The following RPH3A variants were observed in gnomAD, a reference collection of about 807,000 sequenced individuals.
RPH3A encodes the protein rabphilin 3A.
A neutral mutation model predicts 102.2 loss-of-function variants in RPH3A; 48 were observed. The ratio of observed to expected loss-of-function variants is 0.47; its 90% CI spans 0.37 to 0.60. The LOEUF (loss-of-function observed/expected upper bound fraction) is 0.60, where lower values mean the gene tolerates loss of function less well. Ranked by LOEUF, RPH3A falls within the 20% of genes least tolerant of loss-of-function variation. The pLI is 0.00. For synonymous variants in RPH3A, 310 were observed against 324.3 expected (o/e 0.96, Z 0.47); for missense variants, 781 against 910.1 (o/e 0.86, Z 1.83).
In RPH3A at chr12:112,622,155, C is replaced by T. The variant is rs1319537312; in HGVS notation, c.-140+46836C>T. On this transcript the variant is annotated intron_variant, in intron 1 of 21. Transcript: ENST00000543106. The stretch of plus-strand genomic sequence containing the variant: ...AAACTCTAAAACGCAGAGCGCCTCT[C>T]CTCCTCCAAAGGAACGCAGTTCCTC... Among the ~76,000 whole-genome samples, 364 of 126,944 alleles carry T rather than the reference C, an allele frequency of 2.9e-3. 5 individuals carry two copies. The highest frequency in any genetic ancestry group is 0.011 in the African/African-American group (325 of 28,648). The allele number at this position is 126,944 out of a possible 152,430, so 83.3% of individuals were successfully genotyped here.
chr12:112,625,522 G>C (rs1247116330), intron 1 of RPH3A, among the ~76,000 whole-genome samples: 1 of 105,678 alleles, frequency 9.5e-6, no homozygotes, highest in African/African-American at 3.9e-5. Context: ...ACCTCTTCAA[G>C]GAGAACTACA....
chr12:112,772,309 A>T (rs1054949686), intron 1 of RPH3A, among the ~76,000 whole-genome samples: 1 of 152,210 alleles, frequency 6.6e-6, no homozygotes, highest in South Asian at 2.1e-4. Context: ...CAAAGGGGGC[A>T]CTATTTACAT....
intron 4 of RPH3A, among the ~76,000 whole-genome samples, chr12:112,847,358 T>A (rs1003451147): frequency 1.3e-5 from 2 of 152,216 alleles, no homozygotes; most frequent in African/African-American, 4.8e-5. Flanking sequence ...GTGGTCAACC[T>A]GGGACCCAGG....
intron 1 of RPH3A, among the ~76,000 whole-genome samples, chr12:112,745,944 T>G (rs912976105): frequency 1.3e-5 from 2 of 152,136 alleles, no homozygotes; most frequent in African/African-American, 4.8e-5. Context: ...GATGCCTCTT[T>G]AAGAGGCAGG....
chr12:112,721,529 A>G lies in RPH3A; in HGVS notation c.-139-70614A>G, dbSNP rs116406241. 1.9e-3 allele frequency among the ~76,000 whole-genome samples: 289 copies of G among 152,364 alleles called. 1 individual carries two copies. Among genetic ancestry groups the G allele is most frequent in the African/African-American group, 6.2e-3 (256 of 41,598 alleles). Reference sequence around the variant, plus strand: ...TAGAAAACATTAATGTACTTGTTATAGTTAAATATTTTAAATTTGTTGGGC... The same window carrying G: ...TAGAAAACATTAATGTACTTGTTATGGTTAAATATTTTAAATTTGTTGGGC... On this transcript the variant is annotated intron_variant, in intron 1 of 21. Coordinates refer to the RPH3A transcript ENST00000543106.
chr12:112,706,049 T>C (rs909469539), intron 1 of RPH3A, among the ~76,000 whole-genome samples: 2 of 152,208 alleles, frequency 1.3e-5, no homozygotes, highest in Non-Finnish European at 2.9e-5. Context: ...TCCTGACAGT[T>C]GCATAGTGCT....
intron 1 of RPH3A, among the ~76,000 whole-genome samples, chr12:112,600,017 T>C (rs1006981693): frequency 4.6e-5 from 7 of 152,152 alleles, no homozygotes; most frequent in Non-Finnish European, 1.0e-4. Flanking sequence ...TAACTATGCA[T>C]AGAGAATTCA....
At chr12:112,605,841 T>C (rs1397053658) in intron 1 of RPH3A, among the ~76,000 whole-genome samples, 1 of 152,248 alleles carries the variant, frequency 6.6e-6, no homozygotes. Context: ...GTTCCCCCTT[T>C]AGCCAGTGGG....
chr12:112,656,982 G>A (rs1025611591), intron 1 of RPH3A, among the ~76,000 whole-genome samples: 3 of 151,882 alleles, frequency 2.0e-5, no homozygotes, highest in African/African-American at 7.3e-5. Flanking sequence ...GGAATTTCTG[G>A]GTTGAATGGG....
At chr12:112,768,071 C>G (rs943467737) in intron 1 of RPH3A, among the ~76,000 whole-genome samples, 1 of 152,082 alleles carries the variant, frequency 6.6e-6, no homozygotes, top group Non-Finnish European at 1.5e-5. Context: ...ATACTGAAAA[C>G]AATTGAATTG....
chr12:112,696,427 C>A (rs1950306931), intron 1 of RPH3A, among the ~76,000 whole-genome samples: 2 of 152,138 alleles, frequency 1.3e-5, no homozygotes, highest in Admixed American at 6.5e-5. Flanking sequence ...CCCAGGAGAC[C>A]TGAACTATTA....
chr12:112,782,719 C>T (rs543464510), intron 1 of RPH3A, among the ~76,000 whole-genome samples: 2 of 152,180 alleles, frequency 1.3e-5, no homozygotes, highest in East Asian at 3.8e-4. Flanking sequence ...AAAGAGATTA[C>T]AGCTTTTCAT....
rs769217929 is a variant in RPH3A at position 112,865,427 on chromosome 12, C to A, written c.244C>A (p.Arg82Ser). The change falls in exon 6 of 22, where the codon CGC becomes AGC. Residue 82 changes from arginine (R) to serine (S), a missense_variant. By Grantham distance (110) the Arg-to-Ser change is moderately radical. Transcript: ENST00000389385. ...EQERIGRLVD[R>S]LENMRKNVAG... ...CTCTGCTTCCAGACGCCTGGTGGAC[C>A]GCCTAGAAAACATGAGGAAGAACGT... is the stretch of plus-strand genomic sequence containing the variant. The A allele has an allele frequency of 4.3e-6, 7 of 1,613,828 alleles. No homozygotes were observed. The highest frequency in any genetic ancestry group is 5.9e-6 in the Non-Finnish European group (7 of 1,179,914).
intron 1 of RPH3A, among the ~76,000 whole-genome samples, chr12:112,784,789 G>C (rs992334841): frequency 2.0e-5 from 3 of 152,216 alleles, no homozygotes; most frequent in African/African-American, 7.2e-5. Context: ...AGTGTCAGCT[G>C]TTTATTTGTT....
chr12:112,892,616 A>T (rs1421446105), intron 19 of RPH3A, among the ~76,000 whole-genome samples: 3 of 152,208 alleles, frequency 2.0e-5, no homozygotes, highest in African/African-American at 7.2e-5. Context: ...CAGCAAGAAC[A>T]TCATGAATAC....
At chr12:112,609,143 A>C (rs1291608565) in intron 1 of RPH3A, among the ~76,000 whole-genome samples, 1 of 152,076 alleles carries the variant, frequency 6.6e-6, no homozygotes, top group Non-Finnish European at 1.5e-5. Context: ...CAGACAATTG[A>C]CCTAGAAGGT....
At chr12:112,813,179 A>C (rs532216511) in intron 2 of RPH3A, 26 of 152,300 alleles carry the variant, frequency 1.7e-4, no homozygotes, top group African/African-American at 6.3e-4. Flanking sequence ...ACAGCTCAGC[A>C]CCTCTCAGCC....
chr12:112,814,875 T>C (rs2041642346), intron 2 of RPH3A, among the ~76,000 whole-genome samples: 1 of 152,198 alleles, frequency 6.6e-6, no homozygotes, highest in South Asian at 2.1e-4. Flanking sequence ...GGCAGGATAG[T>C]GAGCTGGCCA....
chr12:112,619,455 G>C (rs901841928), intron 1 of RPH3A, among the ~76,000 whole-genome samples: 2 of 152,024 alleles, frequency 1.3e-5, no homozygotes, highest in Admixed American at 1.3e-4. Flanking sequence ...AGCTAATTTT[G>C]TATTTTTAGT....
Sources: allele counts gnomAD v4.1 joint callset (sites outside exome capture counted in the v4.1 genomes callset), GRCh38; gene constraint gnomAD v4.1.1; transcripts MANE v1.5; gene names NCBI Gene and HGNC (gene_info 2026-07-23, HGNC 2026-07-21).